Variants in DNHD1 observed in about 807,000 individuals in gnomAD.
DNHD1 encodes the protein dynein heavy chain domain 1.
DNHD1 carries 383 observed loss-of-function variants against 458.1 expected under a neutral mutation model. The ratio of observed to expected loss-of-function variants is 0.84; its 90% confidence interval spans 0.77 to 0.91. The LOEUF (loss-of-function observed/expected upper bound fraction) is 0.91, where lower values mean the gene tolerates loss of function less well. Ranked by LOEUF, DNHD1 falls within the 40% of genes least tolerant of loss-of-function variation. The pLI, the probability that DNHD1 is intolerant of heterozygous loss-of-function variation, is 0.00. For missense variants in DNHD1, 5,336 were observed against 5,866.1 expected (o/e 0.91, Z 2.95); for synonymous variants, 2,203 against 2,376.9 (o/e 0.93, Z 2.13).
intron 24 of DNHD1, among the ~76,000 whole-genome samples, chr11:6,552,068 C>A (rs1189195657): frequency 6.8e-6 from 1 of 148,026 alleles, no homozygotes; most frequent in East Asian, 1.9e-4. Context: ...CATAGTGGGA[C>A]CCTCATTTAA....
chr11:6,512,365 C>T (rs1431219894), intron 7 of DNHD1, among the ~76,000 whole-genome samples: 3 of 148,450 alleles, frequency 2.0e-5, no homozygotes, highest in African/African-American at 7.8e-5. Flanking sequence ...GGACTACAGG[C>T]ACCCACCACC....
chr11:6,538,328 A>AC (rs1277835612), intron 14 of DNHD1, 55 bp from the exon 15 acceptor site: 2 of 1,522,426 alleles, frequency 1.3e-6, no homozygotes, highest in Non-Finnish European at 8.9e-7. Flanking sequence ...TCATTCCACC[A>AC]CCCCCCTCCC....
Position 6,546,995 on chromosome 11 carries a change from CA to C in DNHD1, c.6058del (p.Thr2020ProfsTer26), listed in dbSNP as rs1178206340. 6.4e-7 allele frequency: 1 copy of C among 1,551,428 alleles called. No individual in the cohort carries two copies. The highest frequency in any genetic ancestry group is 1.4e-5 in the African/African-American group (1 of 73,050). On this transcript the variant is annotated frameshift_variant, in exon 21 of 43. Coordinates refer to ENST00000254579, the MANE Select transcript of DNHD1 (RefSeq NM_144666.3). LOFTEE classifies it high-confidence loss of function. ...QNRLAAMEDT[S>X]TQGCQPVEIT... ...CGGCTGGCAGCCATGGAGGACACCT[CA>C]ACCCAAGGCTGCCAGCCTGTGGAAA...
At chr11:6,544,073 C>A in intron 18 of DNHD1, 48 bp from the exon 19 acceptor site, 1 of 1,549,442 alleles carries the variant, frequency 6.5e-7, no homozygotes, top group African/African-American at 1.4e-5. Context: ...CTCCCCCAGC[C>A]CCGGCCCTTG....
chr11:6,538,914 C>G, intron 16 of DNHD1, 104 bp downstream of exon 16: 1 of 1,189,930 alleles, frequency 8.4e-7, no homozygotes, highest in South Asian at 1.7e-5. Context: ...ACCTTTCATC[C>G]CCAAGTTTCT....
In DNHD1 at chr11:6,557,863, G is replaced by A; in HGVS notation, c.8568G>A (p.Leu2856=). Residue 2856 remains leucine, a synonymous_variant, in exon 25 of 43, where the codon CTG becomes CTA. Coordinates refer to ENST00000254579, the MANE Select transcript of DNHD1 (RefSeq NM_144666.3). ...EEQLATSAAQ[L]KLSPHLARCH... ...AGTTGGCCACCTCAGCTGCTCAACT[G>A]AAGTTGAGCCCCCACCTGGCCCGGT... 1 of 1,551,050 alleles carries A rather than the reference G, an allele frequency of 6.4e-7. No homozygotes were observed. The highest frequency in any genetic ancestry group is 8.7e-7 in the Non-Finnish European group (1 of 1,146,944).
chr11:6,568,439 C>G lies in DNHD1; in HGVS notation c.12539-15C>G. The G allele has an allele frequency of 6.2e-7, 1 of 1,612,742 alleles. No individual in the cohort carries two copies. The highest frequency in any genetic ancestry group is 8.5e-7 in the Non-Finnish European group (1 of 1,179,892). On this transcript the variant is annotated splice_polypyrimidine_tract_variant and intron_variant, in intron 37 of 42. Coordinates refer to ENST00000254579, the MANE Select transcript of DNHD1 (RefSeq NM_144666.3). ...TTTATCCAAGGACTGATCTCAGACC[C>G]TTGTCTGACTCTAGTGGTTGCAGAC...
chr11:6,511,100 A>G (rs1160744749), intron 6 of DNHD1, among the ~76,000 whole-genome samples, 173 bp from the exon 7 acceptor site: 2 of 152,170 alleles, frequency 1.3e-5, no homozygotes, highest in East Asian at 1.9e-4. Flanking sequence ...TTATGGGCTT[A>G]TACTCTTTCA....
chr11:6,548,446 CTTATTTTAGGGGTAATCCATG>C lies in DNHD1; in HGVS notation c.7098+47_7098+67del. ...AAGAGCTGGGGTTAGAACTTCAGGA[CTTATTTTAGGGGTAATCCATG>C]TTCAAAGATCAGCTGAGGCCCACTT... On this transcript the variant is annotated intron_variant, in intron 23 of 42. Coordinates refer to ENST00000254579, the MANE Select transcript of DNHD1 (RefSeq NM_144666.3). The surrounding 1 kb of genome is among the most constrained non-coding windows in gnomAD (Gnocchi z 4.4). The C allele has an allele frequency of 6.5e-7, 1 of 1,537,258 alleles. No homozygotes were observed. The highest frequency in any genetic ancestry group is 8.8e-7 in the Non-Finnish European group (1 of 1,137,266).
chr11:6,547,711 G>T, intron 21 of DNHD1, 45 bp downstream of exon 21: 1 of 1,491,588 alleles, frequency 6.7e-7, no homozygotes, highest in South Asian at 1.3e-5. Context: ...GGGCCTTAAG[G>T]GTAGCTGGGG....
chr11:6,520,189 C>A (rs1183309957), intron 9 of DNHD1, 49 bp from the exon 10 acceptor site: 3 of 1,595,118 alleles, frequency 1.9e-6, no homozygotes, highest in Non-Finnish European at 1.7e-6. Flanking sequence ...TGGTTTGAAT[C>A]CCTCATTGCT....
At chr11:6,549,282 T>C (rs1214809471) in intron 24 of DNHD1, among the ~76,000 whole-genome samples, 1 of 152,212 alleles carries the variant, frequency 6.6e-6, no homozygotes, top group East Asian at 1.9e-4. Flanking sequence ...GTCTGTCCTC[T>C]TAGTTTCACC....
At chr11:6,569,680 A>G (rs1853795015) in intron 39 of DNHD1, among the ~76,000 whole-genome samples, 1 of 152,186 alleles carries the variant, frequency 6.6e-6, no homozygotes, top group Admixed American at 6.5e-5. Flanking sequence ...GGAAGTCTCC[A>G]GGGAAGAGAT....
chr11:6,562,140 G>C (rs538944638), intron 28 of DNHD1, among the ~76,000 whole-genome samples: 2 of 152,308 alleles, frequency 1.3e-5, no homozygotes, highest in Admixed American at 1.3e-4. Flanking sequence ...GTGGACACGA[G>C]AGGCATTTAG....
intron 17 of DNHD1, 99 bp from the exon 18 acceptor site, chr11:6,539,777 C>G (rs138266368): frequency 0.011 from 11,641 of 1,105,992 alleles, 80 homozygotes; most frequent in Non-Finnish European, 0.014. Context: ...TGAGCCCTGG[C>G]CCTTGAGTTC....
Position 6,570,371 on chromosome 11 carries a change from G to A in DNHD1, c.13080G>A (p.Leu4360=). 1 of 1,610,600 alleles carries A rather than the reference G, an allele frequency of 6.2e-7. No homozygotes were observed. The highest frequency in any genetic ancestry group is 8.5e-7 in the Non-Finnish European group (1 of 1,178,624). ...SWVQPHTPQS[L]LATLMPLPEL... ...TCCAGCCACACACACCTCAGTCTTT[G>A]CTGGCCACGCTCATGCCCCTCCCAG... The change falls in exon 41 of 43, where the codon TTG becomes TTA. Residue 4360 remains leucine, a synonymous_variant. Transcript: ENST00000254579.
intron 40 of DNHD1, 40 bp downstream of exon 40, chr11:6,570,140 A>G: frequency 6.2e-7 from 1 of 1,607,374 alleles, no homozygotes; most frequent in Non-Finnish European, 8.5e-7. Context: ...ATCAGCCCCC[A>G]GGAGAGCCTG....
Position 6,565,838 on chromosome 11 carries a change from C to T in DNHD1, c.10900C>T (p.Gln3634Ter). Residue 3634 changes from glutamine to a stop codon, truncating the protein, a stop_gained, in exon 33 of 43, where the codon CAA becomes TAA. Transcript: ENST00000254579. LOFTEE classifies it high-confidence loss of function. ...AAGAAAAAATGAGCAGGAGAAAGAG[C>T]AAGAGGAAAATGAAGAGAAAGAGGA... ...EERKNEQEKEQEENEEKEEEK... is the reference protein window; with the variant it reads ...EERKNEQEKE 6.4e-7 allele frequency: 1 copy of T among 1,551,624 alleles called. No homozygotes were observed. Among genetic ancestry groups the T allele is most frequent in the Non-Finnish European group, 8.7e-7 (1 of 1,146,992 alleles).
chr11:6,569,013 C>A, intron 39 of DNHD1, 147 bp downstream of exon 39: 1 of 1,033,416 alleles, frequency 9.7e-7, no homozygotes, highest in Non-Finnish European at 1.4e-6. Flanking sequence ...TCTCCAAAGA[C>A]TTTGAGATTT....
Sources: allele counts gnomAD v4.1 joint callset (sites outside exome capture counted in the v4.1 genomes callset), GRCh38; gene constraint gnomAD v4.1.1; non-coding constraint Gnocchi (gnomAD v3.1); transcripts MANE v1.5; gene names NCBI Gene and HGNC (gene_info 2026-07-23, HGNC 2026-07-21).